CERS6: variants seen among roughly 807,000 people sequenced by gnomAD.
The protein encoded by CERS6 is LAG1 homolog, ceramide synthase 6.
CERS6 carries 26 observed loss-of-function variants against 56.8 expected under a neutral mutation model. The ratio of observed to expected loss-of-function variants is 0.46; its 90% CI spans 0.34 to 0.63. CERS6 has a LOEUF of 0.63. Among genes scored for constraint, CERS6 ranks in the 30% least tolerant of loss-of-function variants. CERS6 has a pLI of 0.01. For synonymous variants in CERS6, 164 were observed against 173.3 expected, an observed-to-expected ratio of 0.95 and a Z score of 0.42; for missense variants, 415 against 467.5, an observed-to-expected ratio of 0.89 and a Z score of 1.04.
chr2:168,548,031 G>T (rs1695498675), intron 2 of CERS6, among the ~76,000 whole-genome samples: 1 of 152,160 alleles, frequency 6.6e-6, no homozygotes, highest in African/African-American at 2.4e-5. Context: ...GGGACTTTGT[G>T]GAGGTGACTG....
intron 4 of CERS6, among the ~76,000 whole-genome samples, chr2:168,667,455 C>CTA (rs1685791187): frequency 1.3e-5 from 2 of 152,292 alleles, no homozygotes; most frequent in African/African-American, 4.8e-5. Flanking sequence ...CAAATGTGAG[C>CTA]TATCAATTCT....
chr2:168,732,415 C>T (rs1172512871), intron 8 of CERS6, among the ~76,000 whole-genome samples: 1 of 152,164 alleles, frequency 6.6e-6, no homozygotes, highest in African/African-American at 2.4e-5. Context: ...TTCGAATTCA[C>T]CTTCATAAAT....
At chr2:168,523,299 G>T (rs1695015188) in intron 1 of CERS6, among the ~76,000 whole-genome samples, 1 of 152,136 alleles carries the variant, frequency 6.6e-6, no homozygotes, top group South Asian at 2.1e-4. Flanking sequence ...ATGAACAGTT[G>T]TTCTCTTATC....
chr2:168,517,595 C>G (rs1442067646), intron 1 of CERS6, among the ~76,000 whole-genome samples: 1 of 151,844 alleles, frequency 6.6e-6, no homozygotes, highest in African/African-American at 2.4e-5. Context: ...AAAGCTGTCT[C>G]TACTGTTTTA....
At chr2:168,695,089 C>A (rs1404995429) in intron 6 of CERS6, 38 bp downstream of exon 6, 2 of 1,507,852 alleles carry the variant, frequency 1.3e-6, no homozygotes, top group African/African-American at 2.8e-5. Flanking sequence ...TGCAAGCATG[C>A]ATCTTTAATG....
At chr2:168,668,099 A>T (rs374932979) in intron 4 of CERS6, among the ~76,000 whole-genome samples, 1 of 152,182 alleles carries the variant, frequency 6.6e-6, no homozygotes, top group East Asian at 1.9e-4. Context: ...ATTGGTGTGG[A>T]ATCAACAGAT....
At chr2:168,554,304 T>C (rs1295941282) in intron 2 of CERS6, among the ~76,000 whole-genome samples, 3 of 152,198 alleles carry the variant, frequency 2.0e-5, no homozygotes, top group Non-Finnish European at 4.4e-5. Context: ...CTTTGGTTAT[T>C]GGTATGGGTC....
intron 4 of CERS6, among the ~76,000 whole-genome samples, chr2:168,666,814 A>C (rs1685773706): frequency 6.6e-6 from 1 of 152,200 alleles, no homozygotes; most frequent in East Asian, 1.9e-4. Context: ...GAGTCTCCTA[A>C]AACCATATTC....
intron 4 of CERS6, among the ~76,000 whole-genome samples, chr2:168,656,439 T>C (rs1428208184): frequency 8.6e-5 from 13 of 151,586 alleles, no homozygotes; most frequent in Admixed American, 8.5e-4. Flanking sequence ...GCGTCTGGAG[T>C]CTGTCCCTTC....
At chr2:168,487,771 G>A (rs1048329989) in intron 1 of CERS6, among the ~76,000 whole-genome samples, 2 of 151,986 alleles carry the variant, frequency 1.3e-5, no homozygotes, top group African/African-American at 4.8e-5. Flanking sequence ...ACCTAGGCTG[G>A]AGCACAATCA....
chr2:168,620,014 T>TACACACACACACACACAC (rs1160024194), intron 3 of CERS6, among the ~76,000 whole-genome samples: 3 of 61,208 alleles, frequency 4.9e-5, no homozygotes, highest in African/African-American at 1.3e-4. Context: ...CCACAATCCA[T>TACACACACACACACACAC]ACACACACAC....
At chr2:168,535,647 G>T (rs1023738452) in intron 1 of CERS6, among the ~76,000 whole-genome samples, 2 of 144,070 alleles carry the variant, frequency 1.4e-5, no homozygotes, top group Admixed American at 1.4e-4. Context: ...TCTTGGCCCT[G>T]CCCAACAATG....
intron 4 of CERS6, among the ~76,000 whole-genome samples, chr2:168,645,114 A>ATATAT (rs1559034012): frequency 8.7e-5 from 3 of 34,360 alleles, no homozygotes; most frequent in Non-Finnish European, 1.1e-4. Context: ...AAAAAAAAAA[A>ATATAT]AAATATATAT....
intron 1 of CERS6, among the ~76,000 whole-genome samples, chr2:168,538,164 T>C (rs954038406): frequency 9.2e-5 from 14 of 151,840 alleles, no homozygotes; most frequent in African/African-American, 3.4e-4. Context: ...CTAGTGATTC[T>C]CTTAGGACAG....
chr2:168,723,575 A>G (rs35312241), intron 8 of CERS6, among the ~76,000 whole-genome samples: 1 of 152,140 alleles, frequency 6.6e-6, no homozygotes, highest in Non-Finnish European at 1.5e-5. Context: ...GGAACATTGC[A>G]TCAGTTCTTC....
intron 8 of CERS6, among the ~76,000 whole-genome samples, chr2:168,751,060 G>C (rs1684253820): frequency 6.6e-6 from 1 of 152,092 alleles, no homozygotes; most frequent in South Asian, 2.1e-4. Flanking sequence ...CATAGCTGTG[G>C]TCACTGAGCT....
At chr2:168,591,684 T>C (rs572771641) in intron 3 of CERS6, among the ~76,000 whole-genome samples, 2 of 152,268 alleles carry the variant, frequency 1.3e-5, no homozygotes, top group Admixed American at 6.5e-5. Flanking sequence ...CAAAAGACTT[T>C]CTTTCACCTT....
intron 6 of CERS6, among the ~76,000 whole-genome samples, chr2:168,701,205 T>C (rs1297344105): frequency 2.6e-5 from 4 of 152,212 alleles, no homozygotes; most frequent in Non-Finnish European, 4.4e-5. Flanking sequence ...TTTAAACCAC[T>C]GAGGTTTTAA....
At chr2:168,713,208 G>A (rs1034026182) in intron 6 of CERS6, among the ~76,000 whole-genome samples, 1 of 152,034 alleles carries the variant, frequency 6.6e-6, no homozygotes, top group Non-Finnish European at 1.5e-5. Context: ...TAAAAATTTA[G>A]GTTTACTCCC....
Sources: gnomAD v4.1 joint callset for allele counts (sites outside exome capture counted in the v4.1 genomes callset) on GRCh38, gnomAD v4.1.1 for gene constraint, MANE v1.5 for transcripts, NCBI Gene and HGNC (gene_info 2026-07-23, HGNC 2026-07-21) for gene names.